The following CNTNAP2 variants were observed in gnomAD, a reference collection of about 807,000 sequenced individuals.
CNTNAP2 encodes the protein contactin associated protein 2, also known as contactin-associated protein-like 2.
In CNTNAP2, 98 loss-of-function variants were observed where a neutral mutation model predicts 155.2. The ratio of observed to expected loss-of-function variants is 0.63; its 90% CI spans 0.54 to 0.75. The LOEUF is 0.75. Ranked by LOEUF, CNTNAP2 falls within the 30% of genes least tolerant of loss-of-function variation. CNTNAP2 has a pLI of 0.00. For missense variants in CNTNAP2, 1,727 were observed against 1,688.1 expected (o/e 1.02, Z -0.40); for synonymous variants, 651 against 631.2 (o/e 1.03, Z -0.47).
intron 3 of CNTNAP2, among the ~76,000 whole-genome samples, chr7:146,884,616 T>A (rs1795620844): frequency 6.6e-6 from 1 of 152,018 alleles, no homozygotes; most frequent in Non-Finnish European, 1.5e-5. Context: ...GGATTTACAT[T>A]CAGGTGATGA....
At chr7:147,324,625 C>T (rs1182574834) in intron 9 of CNTNAP2, among the ~76,000 whole-genome samples, 1 of 152,162 alleles carries the variant, frequency 6.6e-6, no homozygotes, top group East Asian at 1.9e-4. Context: ...TCAAATCTTT[C>T]TTCAACTTAT....
chr7:146,217,701 A>G (rs1799135681), intron 1 of CNTNAP2, among the ~76,000 whole-genome samples: 1 of 152,202 alleles, frequency 6.6e-6, no homozygotes, highest in Non-Finnish European at 1.5e-5. Flanking sequence ...AAAATATCAC[A>G]GTGGTGGTTG....
intron 11 of CNTNAP2, among the ~76,000 whole-genome samples, chr7:147,498,801 T>C (rs1798758796): frequency 6.6e-6 from 1 of 152,150 alleles, no homozygotes; most frequent in South Asian, 2.1e-4. Context: ...TTTTTTCCCA[T>C]TTGTCATCAC....
chr7:146,563,249 AT>A (rs1335697287), intron 1 of CNTNAP2, among the ~76,000 whole-genome samples: 4 of 152,032 alleles, frequency 2.6e-5, no homozygotes, highest in African/African-American at 9.7e-5. Context: ...ATATTCTTGC[AT>A]TTCCTCATGG....
chr7:147,120,829 G>C (rs1002818954), intron 5 of CNTNAP2, 150 bp from the exon 6 acceptor site: 26 of 722,846 alleles, frequency 3.6e-5, no homozygotes, highest in Non-Finnish European at 5.5e-5. Flanking sequence ...ATTTTTAAGT[G>C]TCGTTACTTA....
intron 18 of CNTNAP2, among the ~76,000 whole-genome samples, chr7:148,196,385 A>T (rs1019808375): frequency 6.6e-6 from 1 of 152,168 alleles, no homozygotes; most frequent in Non-Finnish European, 1.5e-5. Flanking sequence ...CTGCAGCAGG[A>T]TTCGGAGGAA....
intron 1 of CNTNAP2, among the ~76,000 whole-genome samples, chr7:146,253,651 A>AT (rs1187218729): frequency 6.6e-6 from 1 of 152,234 alleles, no homozygotes; most frequent in Non-Finnish European, 1.5e-5. Context: ...AGATGGATCT[A>AT]TTGGAGGCAG....
intron 3 of CNTNAP2, among the ~76,000 whole-genome samples, chr7:146,953,838 C>T (rs185474598): frequency 6.6e-6 from 1 of 151,302 alleles, no homozygotes; most frequent in Non-Finnish European, 1.5e-5. Flanking sequence ...CTTTCAGATA[C>T]CAAAAAAAGG....
intron 1 of CNTNAP2, among the ~76,000 whole-genome samples, chr7:146,257,675 C>A (rs1308043932): frequency 6.6e-6 from 1 of 152,136 alleles, no homozygotes; most frequent in Non-Finnish European, 1.5e-5. Context: ...AAACTTGAGT[C>A]CCCATCAGAA....
intron 4 of CNTNAP2, among the ~76,000 whole-genome samples, chr7:147,093,256 A>AG (rs1301301617): frequency 2.0e-5 from 3 of 150,758 alleles, no homozygotes; most frequent in Admixed American, 6.6e-5. Flanking sequence ...AAAAAAAAAA[A>AG]AAAGAAAAAG....
At chr7:147,851,726 C>A (rs1489531798) in intron 13 of CNTNAP2, among the ~76,000 whole-genome samples, 1 of 136,750 alleles carries the variant, frequency 7.3e-6, no homozygotes, top group African/African-American at 2.8e-5. Flanking sequence ...CACTTGGACA[C>A]AGGAAGGGGA....
At chr7:146,132,110 C>A (rs1004631463) in intron 1 of CNTNAP2, among the ~76,000 whole-genome samples, 1 of 152,102 alleles carries the variant, frequency 6.6e-6, no homozygotes, top group Non-Finnish European at 1.5e-5. Context: ...CTGTAATAAA[C>A]TCATGCAGTA....
intron 13 of CNTNAP2, among the ~76,000 whole-genome samples, chr7:147,900,170 G>A (rs914702107): frequency 6.6e-6 from 1 of 152,128 alleles, no homozygotes; most frequent in Admixed American, 6.5e-5. Flanking sequence ...CACCCTGGCT[G>A]CCTTCGTTCT....
intron 20 of CNTNAP2, among the ~76,000 whole-genome samples, chr7:148,264,948 C>A (rs538437267): frequency 6.6e-6 from 1 of 152,180 alleles, no homozygotes; most frequent in Non-Finnish European, 1.5e-5. Context: ...CCACCTCGGC[C>A]TCCCAAAGTG....
At chr7:146,194,554 G>T (rs536101746) in intron 1 of CNTNAP2, among the ~76,000 whole-genome samples, 1 of 152,286 alleles carries the variant, frequency 6.6e-6, no homozygotes, top group Non-Finnish European at 1.5e-5. Flanking sequence ...AATTATGGGA[G>T]CTACAATTCA....
intron 1 of CNTNAP2, among the ~76,000 whole-genome samples, chr7:146,229,107 C>T (rs565471312): frequency 1.3e-5 from 2 of 151,772 alleles, no homozygotes; most frequent in African/African-American, 2.4e-5. Flanking sequence ...TAAAGAAAAA[C>T]AAAAAAGAGT....
chr7:146,516,153 G>A lies in CNTNAP2; in HGVS notation c.98-258118G>A, dbSNP rs545275778. 7.9e-5 allele frequency among the ~76,000 whole-genome samples: 12 copies of A among 152,016 alleles called. No individual in the cohort carries two copies. In the South Asian group the frequency reaches 8.3e-4, roughly 11 times the overall value. On this transcript the variant is annotated intron_variant, in intron 1 of 23. Coordinates refer to ENST00000361727, the MANE Select transcript of CNTNAP2 (RefSeq NM_014141.6). ...GAGTAGCTGTGTTCTGGTTAGAGGC[G>A]CAGACAAAGCAGTTTCAAGAGACTC...
chr7:147,586,083 T>C (rs904833020), intron 12 of CNTNAP2, among the ~76,000 whole-genome samples: 1 of 152,124 alleles, frequency 6.6e-6, no homozygotes, highest in Non-Finnish European at 1.5e-5. Flanking sequence ...TTCCAGGTTA[T>C]AGGTAAATTA....
At chr7:146,401,338 A>G (rs1795710641) in intron 1 of CNTNAP2, among the ~76,000 whole-genome samples, 1 of 152,148 alleles carries the variant, frequency 6.6e-6, no homozygotes. Flanking sequence ...CAAGTAACGG[A>G]GCTGGTGGCA....
Sources: allele counts gnomAD v4.1 joint callset (sites outside exome capture counted in the v4.1 genomes callset), GRCh38; gene constraint gnomAD v4.1.1; transcripts MANE v1.5; gene names NCBI Gene and HGNC (gene_info 2026-07-23, HGNC 2026-07-21).